The following GNAQ variants were observed in gnomAD, a reference collection of about 807,000 sequenced individuals.
GNAQ encodes the protein guanine nucleotide-binding protein G(q) subunit alpha.
In GNAQ, 8 loss-of-function variants were observed where a neutral mutation model predicts 43.9. The ratio of observed to expected loss-of-function variants is 0.18; its 90% CI spans 0.11 to 0.33. GNAQ has a LOEUF of 0.33. Ranked by LOEUF, GNAQ falls within the 10% of genes least tolerant of loss-of-function variation. GNAQ has a pLI of 1.00. For missense variants in GNAQ, 158 were observed against 450.8 expected, an observed-to-expected ratio of 0.35 and a Z score of 5.88; for synonymous variants, 155 against 170.7, an observed-to-expected ratio of 0.91 and a Z score of 0.71.
At chr9:78,000,664 C>T (rs1823631992) in intron 1 of GNAQ, among the ~76,000 whole-genome samples, 1 of 152,170 alleles carries the variant, frequency 6.6e-6, no homozygotes, top group Admixed American at 6.5e-5. Flanking sequence ...CAGTGTGGGA[C>T]TGATAATACA....
intron 2 of GNAQ, among the ~76,000 whole-genome samples, chr9:77,817,983 C>T (rs1827047564): frequency 6.6e-6 from 1 of 151,974 alleles, no homozygotes; most frequent in African/African-American, 2.4e-5. Context: ...AAAGAAGCTA[C>T]TTTCTTTTGA....
At chr9:77,980,492 C>T (rs1266118961) in intron 1 of GNAQ, among the ~76,000 whole-genome samples, 2 of 152,090 alleles carry the variant, frequency 1.3e-5, no homozygotes, top group African/African-American at 4.8e-5. Context: ...CATGTTACTA[C>T]AAAATTATTT....
intron 4 of GNAQ, among the ~76,000 whole-genome samples, chr9:77,795,668 C>T (rs930396929): frequency 2.4e-4 from 36 of 152,262 alleles, no homozygotes; most frequent in African/African-American, 7.9e-4. Context: ...GGGAGATCCA[C>T]GTACTATGGA....
rs751948604 is a variant in GNAQ at position 77,797,540 on chromosome 9, G to A, written c.585C>T (p.Asp195=). 5 of 1,612,724 alleles carry A rather than the reference G, an allele frequency of 3.1e-6. No individual in the cohort carries two copies. In the East Asian group the frequency reaches 1.1e-4, roughly 36 times the overall value. ...PTTGIIEYPF[D]LQSVIFRMVD... ...ACTACCTGAAAATGACACTTTGTAAGTCAAAGGGGTATTCGATGATCCCTG... is the reference window on the plus strand; with the variant it reads ...ACTACCTGAAAATGACACTTTGTAAATCAAAGGGGTATTCGATGATCCCTG... The change falls in exon 4 of 7, where the codon GAC becomes GAT. Residue 195 remains aspartate, a synonymous_variant. Transcript: ENST00000286548.
rs141891782 is a variant in GNAQ at position 77,717,815 on chromosome 9, T to C, written c.*3508A>G. On this transcript the variant is annotated 3_prime_UTR_variant, in exon 7 of 7. Coordinates refer to ENST00000286548, the MANE Select transcript of GNAQ (RefSeq NM_002072.5). ...GCTAGTAAACAACATATGCAGGTTC[T>C]TAAAATTTTTTTTTCCAGTCTATTC... 7.6e-3 allele frequency: 1,763 copies of C among 232,592 alleles called. 37 individuals are homozygous for C. Among genetic ancestry groups the C allele is most frequent in the African/African-American group, 0.036 (1,639 of 45,428 alleles). 14.4% of individuals were successfully genotyped at this position (232,592 alleles called of 1,614,324 possible).
intron 5 of GNAQ, among the ~76,000 whole-genome samples, chr9:77,756,376 G>A (rs1825904028): frequency 6.6e-6 from 1 of 152,204 alleles, no homozygotes; most frequent in African/African-American, 2.4e-5. Context: ...TGAAAGTCTG[G>A]TCTGCCCCTA....
intron 5 of GNAQ, among the ~76,000 whole-genome samples, chr9:77,776,452 T>A (rs1826307725): frequency 6.6e-6 from 1 of 152,056 alleles, no homozygotes; most frequent in South Asian, 2.1e-4. Context: ...GACTTCAGGG[T>A]AAAAATTATT....
In GNAQ at chr9:77,794,522, T is replaced by C. The variant is rs769002669; in HGVS notation, c.676A>G (p.Ile226Val). ...WIHCFENVTS[I>V]MFLVALSEYD... ...TCACTAAGCGCTACTAGAAACATGA[T>C]AGAGGTGACATTTTCAAAGCAGTGT... The change falls in exon 5 of 7, where the codon ATC (isoleucine) becomes GTC (valine). Residue 226 changes from isoleucine to valine, a missense_variant. Coordinates refer to ENST00000286548, the MANE Select transcript of GNAQ (RefSeq NM_002072.5). 5 of 1,601,126 alleles carry C rather than the reference T, an allele frequency of 3.1e-6. No homozygotes were observed. Among genetic ancestry groups the C allele is most frequent in the Non-Finnish European group, 4.3e-6 (5 of 1,168,684 alleles).
intron 1 of GNAQ, among the ~76,000 whole-genome samples, chr9:77,969,891 C>T (rs1431192883): frequency 2.6e-5 from 4 of 152,200 alleles, no homozygotes; most frequent in African/African-American, 7.2e-5. Context: ...TAACTCACCA[C>T]CAAATTCTTC....
At chr9:77,951,092 CTTTTTTTTT>C (rs35044662) in intron 1 of GNAQ, among the ~76,000 whole-genome samples, 5 of 89,296 alleles carry the variant, frequency 5.6e-5, no homozygotes, top group Non-Finnish European at 1.0e-4. Context: ...GTCAAGTGTT[CTTTTTTTTT>C]TTTTTTTTTT....
chr9:77,776,806 C>T (rs954569029), intron 5 of GNAQ, among the ~76,000 whole-genome samples: 5 of 151,288 alleles, frequency 3.3e-5, no homozygotes, highest in Admixed American at 2.0e-4. Context: ...GTTCAGGTGG[C>T]AGTATTCCCC....
chr9:77,748,719 TG>T (rs2118284612), intron 5 of GNAQ, among the ~76,000 whole-genome samples: 1 of 152,322 alleles, frequency 6.6e-6, no homozygotes, highest in South Asian at 2.1e-4. Context: ...CAACTGTTAT[TG>T]TCAGATAGAA....
At chr9:77,897,833 C>T (rs1023772070) in intron 2 of GNAQ, among the ~76,000 whole-genome samples, 5 of 151,978 alleles carry the variant, frequency 3.3e-5, no homozygotes, top group Non-Finnish European at 7.4e-5. Flanking sequence ...ACTCCCTGCT[C>T]CCCCACATCA....
At chr9:77,861,149 C>G (rs1345331368) in intron 2 of GNAQ, among the ~76,000 whole-genome samples, 1 of 152,126 alleles carries the variant, frequency 6.6e-6, no homozygotes, top group African/African-American at 2.4e-5. Context: ...ACATGGATGG[C>G]AGCAGGCAAA....
chr9:77,831,401 G>C (rs1049520328), intron 2 of GNAQ, among the ~76,000 whole-genome samples: 3 of 152,084 alleles, frequency 2.0e-5, no homozygotes, highest in Non-Finnish European at 2.9e-5. Context: ...ACCAAAATCA[G>C]GAGGATCAAT....
chr9:77,958,654 A>G (rs954566463), intron 1 of GNAQ, among the ~76,000 whole-genome samples: 2 of 152,210 alleles, frequency 1.3e-5, no homozygotes, highest in Admixed American at 6.5e-5. Flanking sequence ...CTTTGCCAAG[A>G]TATCTGTCAC....
chr9:77,810,997 A>AT (rs995948635), intron 3 of GNAQ, among the ~76,000 whole-genome samples: 1 of 152,114 alleles, frequency 6.6e-6, no homozygotes, highest in Admixed American at 6.6e-5. Context: ...TGCTCCCAGT[A>AT]TTTTTTTAAG....
Position 77,811,998 on chromosome 9 carries a change from A to G in GNAQ, c.476+3618T>C, listed in dbSNP as rs1363729584. Among the ~76,000 whole-genome samples, 3 of 152,228 alleles carry G rather than the reference A, an allele frequency of 2.0e-5. No homozygotes were observed. In the East Asian group the frequency reaches 5.8e-4, roughly 29 times the overall value. ...CTTAGCTAAGGTGACCAAAGGTGACAGGTCCCTGCCTGTCCTGGAGAGTCG... is the reference window on the plus strand; with the variant it reads ...CTTAGCTAAGGTGACCAAAGGTGACGGGTCCCTGCCTGTCCTGGAGAGTCG... On this transcript the variant is annotated intron_variant, in intron 3 of 6. Transcript: ENST00000286548.
chr9:77,749,414 T>C (rs1367119852), intron 5 of GNAQ, among the ~76,000 whole-genome samples: 1 of 152,222 alleles, frequency 6.6e-6, no homozygotes, highest in Non-Finnish European at 1.5e-5. Context: ...CAGAAGGCTT[T>C]AAATATGTTA....
Sources: allele counts gnomAD v4.1 joint callset (sites outside exome capture counted in the v4.1 genomes callset), GRCh38; gene constraint gnomAD v4.1.1; transcripts MANE v1.5; gene names NCBI Gene and HGNC (gene_info 2026-07-23, HGNC 2026-07-21).